The following KRT34 variants were observed in gnomAD, a reference collection of about 807,000 sequenced individuals.
KRT34 encodes the protein keratin 34, also known as keratin, type I cuticular Ha4.
KRT34 carries 31 observed loss-of-function variants against 41.7 expected under a neutral mutation model. The observed-to-expected ratio is 0.74, with a 90% confidence interval of 0.56 to 1.00. The LOEUF (loss-of-function observed/expected upper bound fraction) is 1.00. KRT34 is among the 50% of genes least tolerant of loss of function. The probability of loss-of-function intolerance (pLI) is 0.00; values close to 1 mark genes in which losing one functional copy is unlikely to be tolerated. For missense variants in KRT34, 523 were observed against 500.3 expected (o/e 1.05, Z -0.43); for synonymous variants, 224 against 212.9 (o/e 1.05, Z -0.45).
intron 6 of KRT34, among the ~76,000 whole-genome samples, chr17:41,378,504 T>G (rs1248284456): frequency 6.6e-6 from 1 of 152,168 alleles, no homozygotes; most frequent in Non-Finnish European, 1.5e-5. Flanking sequence ...TTGGCCAGGC[T>G]GGTCTTGAAC....
intron 3 of KRT34, 108 bp from the exon 4 acceptor site, chr17:41,379,839 G>T: frequency 8.5e-7 from 1 of 1,175,244 alleles, no homozygotes; most frequent in Non-Finnish European, 1.2e-6. Flanking sequence ...GGAATATTCT[G>T]ATCATTCCCA....
intron 3 of KRT34, among the ~76,000 whole-genome samples, chr17:41,380,253 G>A (rs1316289604): frequency 1.3e-4 from 17 of 134,828 alleles, no homozygotes; most frequent in African/African-American, 3.5e-4. Context: ...GCATGACTCC[G>A]TCAAAAAAAA....
intron 3 of KRT34, 50 bp downstream of exon 3, chr17:41,380,998 TGATTCCCA>T: frequency 6.5e-7 from 1 of 1,527,714 alleles, no homozygotes; most frequent in Non-Finnish European, 9.1e-7. Context: ...AATCCTCTCC[TGATTCCCA>T]GTGCTAGTAG....
At chr17:41,380,994 C>T in intron 3 of KRT34, 62 bp downstream of exon 3, 2 of 1,502,126 alleles carry the variant, frequency 1.3e-6, no homozygotes, top group African/African-American at 1.4e-5. Context: ...CAGTAATCCT[C>T]TCCTGATTCC....
chr17:41,381,897 A>G lies in KRT34; in HGVS notation c.348+2T>C. The G allele has an allele frequency of 1.2e-6, 2 of 1,613,646 alleles. No homozygotes were observed. Among genetic ancestry groups the G allele is most frequent in the Non-Finnish European group, 1.7e-6 (2 of 1,179,608 alleles). On this transcript the variant is annotated splice_donor_variant, in intron 1 of 6. Coordinates refer to ENST00000394001, the MANE Select transcript of KRT34 (RefSeq NM_001386014.1). LOFTEE classifies it high-confidence loss of function. ...GGCCCCCCATATGGCCAACCCCCTCACCTTCTGCTGGAGCTCCTCAATGGT... is the reference window on the plus strand; with the variant it reads ...GGCCCCCCATATGGCCAACCCCCTCGCCTTCTGCTGGAGCTCCTCAATGGT...
intron 3 of KRT34, 82 bp from the exon 4 acceptor site, chr17:41,379,813 C>T (rs1211382949): frequency 1.5e-6 from 2 of 1,376,600 alleles, no homozygotes; most frequent in Non-Finnish European, 2.0e-6. Context: ...ACAATACTGC[C>T]CAAAAAGCAC....
In KRT34 at chr17:41,379,617, G is replaced by A. The variant is rs746359075; in HGVS notation, c.703C>T (p.Leu235=). The A allele has an allele frequency of 1.9e-5, 30 of 1,613,970 alleles. No homozygotes were observed. Among genetic ancestry groups the A allele is most frequent in the South Asian group, 1.5e-4 (14 of 91,080 alleles). The change falls in exon 4 of 7, where the codon CTG becomes TTG. Residue 235 remains leucine, a synonymous_variant. Transcript: ENST00000394001. ...ACTTCCCTGCGGTTAATTTCCACCA[G>A]AGCCTCATACTGACTCCTGGTCTCG... The part of the protein sequence containing the change: ...LNETRSQYEA[L]VEINRREVEQ...
chr17:41,381,039 G>A lies in KRT34; in HGVS notation c.588+17C>T. 6.2e-7 allele frequency: 1 copy of A among 1,613,296 alleles called. No individual in the cohort carries two copies. Among genetic ancestry groups the A allele is most frequent in the Non-Finnish European group, 8.5e-7 (1 of 1,179,530 alleles). On this transcript the variant is annotated intron_variant, in intron 3 of 6. Coordinates refer to ENST00000394001, the MANE Select transcript of KRT34 (RefSeq NM_001386014.1). Reference sequence around the variant, plus strand: ...TAGCTTAGTTCTGAGGCCTGCTTTTGTGAATTTGTTTCATACCTCCTCATG... The same window carrying A: ...TAGCTTAGTTCTGAGGCCTGCTTTTATGAATTTGTTTCATACCTCCTCATG...
rs776876023 is a variant in KRT34 at position 41,379,176 on chromosome 17, G to C, written c.877C>G (p.Arg293Gly). ...EIELQAQHNL[R>G]DSLENTLTES... ...GTCAGCGTGTTTTCCAGAGAGTCTC[G>C]CTGTGGTGGGGAAGATCAGGAATGT... Residue 293 changes from arginine (R) to glycine (G), a missense_variant and splice_region_variant, in exon 6 of 7, where the codon CGA (arginine) becomes GGA (glycine). Transcript: ENST00000394001. The C allele has an allele frequency of 1.9e-6, 3 of 1,614,164 alleles. No individual in the cohort carries two copies. In the Admixed American group the frequency reaches 5.0e-5, roughly 27 times the overall value.
At position 41,379,706 on chromosome 17, in the gene KRT34, AGCTGG is replaced by A. The variant is rs2017938706; in HGVS notation, c.609_613del (p.Gln204TrpfsTer28). The A allele has an allele frequency of 4.3e-6, 7 of 1,611,898 alleles. No homozygotes were observed. Among genetic ancestry groups the A allele is most frequent in the Non-Finnish European group, 5.9e-6 (7 of 1,179,020 alleles). Reference sequence around the variant, plus strand: ...CACCTCCACGTTGAGGCGGTCTCCAAGCTGGGAGCGCAGGGTGTTAACCTCCTGTT... The same window carrying A: ...CACCTCCACGTTGAGGCGGTCTCCAAGAGCGCAGGGTGTTAACCTCCTGTT... On this transcript the variant is annotated frameshift_variant, in exon 4 of 7. Transcript: ENST00000394001. LOFTEE classifies it high-confidence loss of function.
chr17:41,382,220 G>C lies in KRT34; in HGVS notation c.27C>G (p.Ser9Arg). MSYSCCLP[S>R]LGCRTSCSSR... The stretch of plus-strand genomic sequence containing the variant: ...AGGAGCAGCTGGTGCGGCAGCCCAG[G>C]CTGGGCAGGCAACAACTGTAAGACA... Residue 9 changes from serine (S) to arginine (R), a missense_variant, in exon 1 of 7, where the codon AGC becomes AGG. Physicochemically the swap from Ser to Arg is moderately radical, Grantham distance 110. Coordinates refer to ENST00000394001, the MANE Select transcript of KRT34 (RefSeq NM_001386014.1). The C allele has an allele frequency of 1.2e-6, 2 of 1,612,574 alleles. No individual in the cohort carries two copies. Among genetic ancestry groups the C allele is most frequent in the Non-Finnish European group, 1.7e-6 (2 of 1,180,034 alleles).
At chr17:41,378,771 G>T in intron 6 of KRT34, among the ~76,000 whole-genome samples, 185 bp downstream of exon 6, 1 of 152,158 alleles carries the variant, frequency 6.6e-6, no homozygotes, top group East Asian at 1.9e-4. Flanking sequence ...TCCATTGTTA[G>T]CCCCCTGAGA....
upstream of KRT34, chr17:41,382,456 A>C: frequency 8.7e-7 from 1 of 1,144,564 alleles, no homozygotes; most frequent in Non-Finnish European, 1.2e-6. Flanking sequence ...TCAACCCATA[A>C]AATTATTCCA....
Position 41,381,163 on chromosome 17 carries a change from T to C in KRT34, c.481A>G (p.Ser161Gly). The change falls in exon 3 of 7, where the codon AGC (serine) becomes GGC (glycine). Residue 161 changes from serine (S) to glycine (G), a missense_variant. Coordinates refer to ENST00000394001, the MANE Select transcript of KRT34 (RefSeq NM_001386014.1). ...AGCTCATCCAGGATCCTGCGTATGC[T>C]GTTGATGTCCGACTCCACCAACAGC... is the stretch of plus-strand genomic sequence containing the variant. ...LRLLVESDIN[S>G]IRRILDELTL... 1.2e-6 allele frequency: 2 copies of C among 1,614,176 alleles called. No individual in the cohort carries two copies. Among genetic ancestry groups the C allele is most frequent in the Non-Finnish European group, 1.7e-6 (2 of 1,180,018 alleles).
In KRT34 at chr17:41,379,175, C is replaced by T. The variant is rs140889696; in HGVS notation, c.878G>A (p.Arg293Gln). The change falls in exon 6 of 7, where the codon CGA (arginine) becomes CAA (glutamine). Residue 293 changes from arginine to glutamine, a missense_variant and splice_region_variant. Coordinates refer to ENST00000394001, the MANE Select transcript of KRT34 (RefSeq NM_001386014.1). Reference sequence around the variant, plus strand: ...CGTCAGCGTGTTTTCCAGAGAGTCTCGCTGTGGTGGGGAAGATCAGGAATG... The same window carrying T: ...CGTCAGCGTGTTTTCCAGAGAGTCTTGCTGTGGTGGGGAAGATCAGGAATG... ...EIELQAQHNL[R>Q]DSLENTLTES... is the part of the protein sequence containing the mutation. 19 of 1,614,048 alleles carry T rather than the reference C, an allele frequency of 1.2e-5. No homozygotes were observed. The highest frequency in any genetic ancestry group is 5.3e-5 in the African/African-American group (4 of 74,932).
Position 41,379,655 on chromosome 17 carries a change from T to C in KRT34, c.665A>G (p.Asn222Ser). 1.2e-6 allele frequency: 2 copies of C among 1,614,174 alleles called. No homozygotes were observed. Among genetic ancestry groups the C allele is most frequent in the Non-Finnish European group, 1.7e-6 (2 of 1,180,008 alleles). The change falls in exon 4 of 7, where the codon AAC (asparagine) becomes AGC (serine). Residue 222 changes from asparagine to serine, a missense_variant. Coordinates refer to ENST00000394001, the MANE Select transcript of KRT34 (RefSeq NM_001386014.1). ...EVDTAPTVDL[N>S]QVLNETRSQY... ...ACTCCTGGTCTCGTTCAGGACCTGG[T>C]TCAGGTCCACAGTGGGGGCAGTGTC...
Position 41,381,799 on chromosome 17 carries a change from A to G in KRT34, c.349-4T>C. 6 of 1,614,202 alleles carry G rather than the reference A, an allele frequency of 3.7e-6. No homozygotes were observed. Among genetic ancestry groups the G allele is most frequent in the Non-Finnish European group, 5.1e-6 (6 of 1,180,022 alleles). ...TCTCAGCCTTGGCACACAGAATCTG[A>G]AAAGAAATTTCTCTCATGAGGTACA... is the stretch of plus-strand genomic sequence containing the variant. On this transcript the variant is annotated splice_region_variant and splice_polypyrimidine_tract_variant and intron_variant, in intron 1 of 6. Coordinates refer to ENST00000394001, the MANE Select transcript of KRT34 (RefSeq NM_001386014.1).
chr17:41,377,985 G>A lies in KRT34; in HGVS notation c.*74C>T. On this transcript the variant is annotated 3_prime_UTR_variant, in exon 7 of 7. Coordinates refer to ENST00000394001, the MANE Select transcript of KRT34 (RefSeq NM_001386014.1). ...TTGATGTCAGCTGAGCTCCAGAAAA[G>A]TCAGGACTTGAGGATCCTTCCTGTG... 9.0e-7 allele frequency: 1 copy of A among 1,105,910 alleles called. No individual in the cohort carries two copies. The highest frequency in any genetic ancestry group is 1.4e-6 in the Non-Finnish European group (1 of 727,590). 68.5% of individuals were successfully genotyped at this position (1,105,910 alleles called of 1,614,324 possible). A position where few individuals can be genotyped will look rare whatever the true frequency, so the allele number is the denominator to read the frequency against.
chr17:41,381,853 A>G (rs1413088982), intron 1 of KRT34, 46 bp downstream of exon 1: 1 of 1,613,254 alleles, frequency 6.2e-7, no homozygotes, highest in African/African-American at 1.3e-5. Context: ...TTACTGTTCA[A>G]AGAGAGCCAG....
Sources: gnomAD v4.1 joint callset for allele counts (sites outside exome capture counted in the v4.1 genomes callset) on GRCh38, gnomAD v4.1.1 for gene constraint, MANE v1.5 for transcripts, NCBI Gene and HGNC (gene_info 2026-07-23, HGNC 2026-07-21) for gene names.